ZNF638: variants seen among roughly 807,000 people sequenced by gnomAD.
The protein encoded by ZNF638 is zinc finger protein 638, also known as CTCL tumor antigen se33-1.
A neutral mutation model predicts 195.6 loss-of-function variants in ZNF638; 46 were observed. The observed-to-expected ratio is 0.24, with a 90% CI of 0.19 to 0.30. ZNF638 has a LOEUF of 0.30. ZNF638 is among the 10% of genes least tolerant of loss of function. The pLI is 1.00. For synonymous variants in ZNF638, 845 were observed against 772.0 expected (o/e 1.09, Z -1.57); for missense variants, 2,440 against 2,325.3 (o/e 1.05, Z -1.01).
intron 10 of ZNF638, among the ~76,000 whole-genome samples, chr2:71,389,144 A>G (rs1458795210): frequency 1.3e-5 from 2 of 152,130 alleles, no homozygotes; most frequent in Admixed American, 1.3e-4. Context: ...CAGCCCTGCC[A>G]TTACTGGGTA....
At chr2:71,395,391 T>G in intron 10 of ZNF638, 1 of 688,642 alleles carries the variant, frequency 1.5e-6, no homozygotes, top group South Asian at 1.5e-5. Context: ...GGAAAAGTTA[T>G]AAGGAGAGAC....
chr2:71,364,193 C>T lies in ZNF638; in HGVS notation c.1658C>T (p.Pro553Leu). Reference protein sequence around the residue: ...YRIRNPFRGSPKCFRSVSPER... With the variant: ...YRIRNPFRGSLKCFRSVSPER... ...ATTAGAAATCCATTTAGAGGTAGTC[C>T]AAAATGCTTTCGATCAGTTAGCCCT... Residue 553 changes from proline (P) to leucine (L), a missense_variant, in exon 5 of 28, where the codon CCA (proline) becomes CTA (leucine). Transcript: ENST00000264447. 1.9e-6 allele frequency: 3 copies of T among 1,614,138 alleles called. No individual in the cohort carries two copies. The highest frequency in any genetic ancestry group is 2.5e-6 in the Non-Finnish European group (3 of 1,180,028).
chr2:71,336,718 T>A (rs2078677557), intron 1 of ZNF638, among the ~76,000 whole-genome samples: 1 of 152,116 alleles, frequency 6.6e-6, no homozygotes, highest in East Asian at 1.9e-4. Flanking sequence ...TAGCAAGCAG[T>A]GGGACCAGAG....
intron 2 of ZNF638, among the ~76,000 whole-genome samples, chr2:71,351,847 T>A (rs1264158602): frequency 6.6e-6 from 1 of 152,216 alleles, no homozygotes; most frequent in Non-Finnish European, 1.5e-5. Context: ...GTTTTGTGAT[T>A]GATTTAACTT....
At chr2:71,373,863 C>T (rs1232421987) in intron 8 of ZNF638, 1 of 151,800 alleles carries the variant, frequency 6.6e-6, no homozygotes, top group Non-Finnish European at 1.5e-5. Flanking sequence ...CACTCTATCA[C>T]CCAGGCTGGA....
Position 71,355,721 on chromosome 2 carries a change from T to C in ZNF638, c.1320T>C (p.Asp440=). 1 of 1,593,012 alleles carries C rather than the reference T, an allele frequency of 6.3e-7. No homozygotes were observed. The highest frequency in any genetic ancestry group is 8.6e-7 in the Non-Finnish European group (1 of 1,167,244). The change falls in exon 3 of 28, where the codon GAT becomes GAC. Residue 440 remains aspartate (D), a splice_region_variant and synonymous_variant. Transcript: ENST00000264447. ...LCNVECSHLK[D]WIQHQNTSTH... ...ACACTTTTCTCCTTTTACAATAGGA[T>C]TGGATTCAGCATCAAAATACATCTA...
At chr2:71,389,562 CA>C (rs1404481981) in intron 10 of ZNF638, among the ~76,000 whole-genome samples, 1 of 152,164 alleles carries the variant, frequency 6.6e-6, no homozygotes, top group East Asian at 1.9e-4. Context: ...CCGGGCAAAA[CA>C]TAACAGCTGC....
intron 2 of ZNF638, among the ~76,000 whole-genome samples, chr2:71,354,537 A>G (rs552021537): frequency 4.2e-4 from 64 of 152,226 alleles, no homozygotes; most frequent in African/African-American, 1.5e-3. Context: ...GGAGTTCGAG[A>G]CCAGCCTGAC....
chr2:71,337,578 A>G (rs906115721), intron 1 of ZNF638, among the ~76,000 whole-genome samples: 1 of 133,616 alleles, frequency 7.5e-6, no homozygotes. Context: ...GCTACGTTTT[A>G]TATTTTTTGT....
intron 7 of ZNF638, among the ~76,000 whole-genome samples, chr2:71,369,064 T>G (rs2079257619): frequency 6.6e-6 from 1 of 152,066 alleles, no homozygotes; most frequent in South Asian, 2.1e-4. Context: ...GCTGGGCGTG[T>G]TGGCTTGTGC....
chr2:71,342,262 A>G (rs914192662), intron 1 of ZNF638, among the ~76,000 whole-genome samples: 1 of 150,668 alleles, frequency 6.6e-6, no homozygotes, highest in African/African-American at 2.4e-5. Flanking sequence ...TAGGACTTAA[A>G]CTTTTTATTT....
rs1172217293 is a variant in ZNF638 at position 71,364,028 on chromosome 2, G to T, written c.1493G>T (p.Arg498Ile). ...SHSPSPRRSR[R>I]SSSSHRFRRS... ...TCCCCCAGTCCTAGGCGTTCTAGAA[G>T]ATCAAGCTCAAGTCACAGATTCCGT... Residue 498 changes from arginine (R) to isoleucine (I), a missense_variant, in exon 5 of 28, where the codon AGA becomes ATA. Coordinates refer to ENST00000264447, the MANE Select transcript of ZNF638 (RefSeq NM_014497.5). 6.2e-7 allele frequency: 1 copy of T among 1,614,172 alleles called. No homozygotes were observed. Among genetic ancestry groups the T allele is most frequent in the Non-Finnish European group, 8.5e-7 (1 of 1,180,034 alleles).
chr2:71,358,687 C>T (rs541236893), intron 3 of ZNF638, among the ~76,000 whole-genome samples: 1 of 152,260 alleles, frequency 6.6e-6, no homozygotes, highest in Non-Finnish European at 1.5e-5. Context: ...CAGTTTCTTA[C>T]CTTCTGCACA....
At chr2:71,399,670 G>A (rs759831191) in intron 13 of ZNF638, 25 bp downstream of exon 13, 3 of 1,567,470 alleles carry the variant, frequency 1.9e-6, no homozygotes, top group South Asian at 1.2e-5. Flanking sequence ...TGGTCATTCA[G>A]TGCTTTGTTT....
Position 71,364,127 on chromosome 2 carries a change from C to G in ZNF638, c.1592C>G (p.Ser531Cys). Residue 531 changes from serine (S) to cysteine (C), a missense_variant, in exon 5 of 28, where the codon TCT becomes TGT. By Grantham distance (112) the Ser-to-Cys change is moderately radical. Coordinates refer to ENST00000264447, the MANE Select transcript of ZNF638 (RefSeq NM_014497.5). Reference protein sequence around the residue: ...RSPRICHRFISRYRSRSRSRS... With the variant: ...RSPRICHRFICRYRSRSRSRS... ...CCAAGAATTTGCCATCGTTTCATTT[C>G]TAGATACAGATCCAGATCCAGATCC... 1 of 1,614,124 alleles carries G rather than the reference C, an allele frequency of 6.2e-7. No individual in the cohort carries two copies. The highest frequency in any genetic ancestry group is 2.2e-5 in the East Asian group (1 of 44,870).
At chr2:71,419,627 A>C (rs2080381658) in intron 21 of ZNF638, among the ~76,000 whole-genome samples, 1 of 152,216 alleles carries the variant, frequency 6.6e-6, no homozygotes, top group African/African-American at 2.4e-5. Flanking sequence ...TACCAGGTGC[A>C]TTCACATACC....
intron 21 of ZNF638, among the ~76,000 whole-genome samples, chr2:71,419,382 GT>G (rs1378919334): frequency 2.6e-5 from 4 of 152,086 alleles, no homozygotes; most frequent in Admixed American, 2.6e-4. Flanking sequence ...GCGTATATTT[GT>G]TTGAAACAGC....
intron 25 of ZNF638, chr2:71,430,972 T>C: frequency 6.1e-6 from 1 of 163,538 alleles, no homozygotes; most frequent in South Asian, 1.7e-4. Context: ...AATCAATTTC[T>C]GCTGGTATCC....
At chr2:71,344,291 C>T (rs904608018) in intron 1 of ZNF638, among the ~76,000 whole-genome samples, 16 of 152,150 alleles carry the variant, frequency 1.1e-4, no homozygotes, top group Admixed American at 5.2e-4. Flanking sequence ...GAGGGAGATA[C>T]GTTCTAAGGA....
Sources: allele counts gnomAD v4.1 joint callset (sites outside exome capture counted in the v4.1 genomes callset), GRCh38; gene constraint gnomAD v4.1.1; transcripts MANE v1.5; gene names NCBI Gene and HGNC (gene_info 2026-07-23, HGNC 2026-07-21).